The following ASNSD1 variants were observed in gnomAD, a reference collection of about 807,000 sequenced individuals.
ASNSD1 encodes the protein asparagine synthetase domain containing 1.
In ASNSD1, 36 loss-of-function variants were observed where a neutral mutation model predicts 48.3. The observed-to-expected ratio is 0.75, with a 90% CI of 0.57 to 0.99. The LOEUF (loss-of-function observed/expected upper bound fraction) is 0.99. Ranked by LOEUF, ASNSD1 falls within the 50% of genes least tolerant of loss-of-function variation. The pLI is 0.00. For synonymous variants in ASNSD1, 257 were observed against 262.1 expected (o/e 0.98, Z 0.19); for missense variants, 714 against 758.2 (o/e 0.94, Z 0.69).
In ASNSD1 at chr2:189,666,258, T is replaced by C; in HGVS notation, c.126T>C (p.Asp42=). The C allele has an allele frequency of 6.2e-7, 1 of 1,614,190 alleles. No individual in the cohort carries two copies. The highest frequency in any genetic ancestry group is 8.5e-7 in the Non-Finnish European group (1 of 1,180,014). Residue 42 remains aspartate, a synonymous_variant, in exon 4 of 6, where the codon GAT becomes GAC. Transcript: ENST00000260952. The part of the protein sequence containing the change: ...PNSSKQLLKS[D]VNYQCLFSAH... ...GTAGTAAACAATTGTTAAAGTCTGA[T>C]GTTAACTACCAGTGTTTATTTTCTG... is the stretch of plus-strand genomic sequence containing the variant.
At chr2:189,665,585 T>G in intron 3 of ASNSD1, 134 bp downstream of exon 3, 1 of 21,736 alleles carries the variant, frequency 4.6e-5, no homozygotes, top group Non-Finnish European at 1.0e-4. Flanking sequence ...AGTCAACAGT[T>G]ATATATATAT....
chr2:189,662,939 A>G (rs903091236), intron 1 of ASNSD1, among the ~76,000 whole-genome samples: 24 of 100,800 alleles, frequency 2.4e-4, no homozygotes, highest in Non-Finnish European at 4.0e-4. Context: ...ACAGAGCAAG[A>G]CCCTGTTTCA....
At chr2:189,662,535 G>C (rs995623422) in intron 1 of ASNSD1, among the ~76,000 whole-genome samples, 2 of 152,154 alleles carry the variant, frequency 1.3e-5, no homozygotes, top group Admixed American at 6.5e-5. Context: ...GCCAACGGGG[G>C]AGACAGAAAG....
rs1448831678 is a variant in ASNSD1 at position 189,670,791 on chromosome 2, T to C, written c.*65T>C. 3.4e-6 allele frequency: 4 copies of C among 1,167,432 alleles called. No individual in the cohort carries two copies. The Admixed American group carries it at 1.0e-4, about 31-fold the overall frequency. 72.3% of individuals were successfully genotyped at this position (1,167,432 alleles called of 1,614,324 possible). A position where few individuals can be genotyped will look rare whatever the true frequency, so the allele number is the denominator to read the frequency against. Reference sequence around the variant, plus strand: ...ATAATTATATAAAAGTAAGATACTCTGCTGCTTTACTATTGTATAACATAG... The same window carrying C: ...ATAATTATATAAAAGTAAGATACTCCGCTGCTTTACTATTGTATAACATAG... On this transcript the variant is annotated 3_prime_UTR_variant, in exon 6 of 6. Transcript: ENST00000260952.
chr2:189,670,461 A>G lies in ASNSD1; in HGVS notation c.1667A>G (p.Asn556Ser). Residue 556 changes from asparagine (N) to serine (S), a missense_variant, in exon 6 of 6, where the codon AAT becomes AGT. Physicochemically the swap from Asn to Ser is conservative, Grantham distance 46 (BLOSUM62 1). Coordinates refer to ENST00000260952, the MANE Select transcript of ASNSD1 (RefSeq NM_019048.4). ...TTTAGATTTCCTTTCCTGGATGAAA[A>G]TGTTGTCTCCTTTCTAAATTCTCTG... ...KEARFPFLDE[N>S]VVSFLNSLPI... 2 of 1,610,080 alleles carry G rather than the reference A, an allele frequency of 1.2e-6. No homozygotes were observed. The highest frequency in any genetic ancestry group is 1.3e-5 in the African/African-American group (1 of 74,848).
intron 1 of ASNSD1, among the ~76,000 whole-genome samples, chr2:189,662,376 CTT>C (rs544864062): frequency 1.1e-4 from 16 of 152,198 alleles, no homozygotes; most frequent in Non-Finnish European, 1.5e-4. Context: ...GGGCAAGTCT[CTT>C]TAATCTTTCT....
rs1353507427 is a variant in ASNSD1 at position 189,666,808 on chromosome 2, G to T, written c.676G>T (p.Val226Leu). The change falls in exon 4 of 6, where the codon GTA becomes TTA. Residue 226 changes from valine (V) to leucine (L), a missense_variant. Val to Leu is a conservative substitution (Grantham distance 32). Coordinates refer to ENST00000260952, the MANE Select transcript of ASNSD1 (RefSeq NM_019048.4). ...SQISADLPAFVSVVANEAKLY... is the reference protein window; with the variant it reads ...SQISADLPAFLSVVANEAKLY... The stretch of plus-strand genomic sequence containing the variant: ...AATTTCAGCAGACTTACCAGCATTT[G>T]TATCAGTGGTAGCAAATGAAGCCAA... 3 of 1,613,956 alleles carry T rather than the reference G, an allele frequency of 1.9e-6. No individual in the cohort carries two copies. The South Asian group carries it at 3.3e-5, about 18-fold the overall frequency.
At chr2:189,662,373 T>C (rs2032687866) in intron 1 of ASNSD1, among the ~76,000 whole-genome samples, 1 of 152,212 alleles carries the variant, frequency 6.6e-6, no homozygotes, top group Non-Finnish European at 1.5e-5. Flanking sequence ...CTTGGGCAAG[T>C]CTCTTTAATC....
rs780246917 is a variant in ASNSD1 at position 189,667,845 on chromosome 2, G to T, written c.1546G>T (p.Glu516Ter). The T allele has an allele frequency of 6.2e-7, 1 of 1,614,146 alleles. No homozygotes were observed. Among genetic ancestry groups the T allele is most frequent in the Non-Finnish European group, 8.5e-7 (1 of 1,180,014 alleles). Residue 516 changes from glutamate to a stop codon, truncating the protein, a stop_gained, in exon 5 of 6, where the codon GAA becomes TAA. Coordinates refer to ENST00000260952, the MANE Select transcript of ASNSD1 (RefSeq NM_019048.4). LOFTEE classifies it high-confidence loss of function. ...TGTCCGCTTTCAGTCGCATGGGCTG[G>T]AAGGATTGAATAAGGAAATAATGAT... ...HRVRFQSHGL[E>*]GLNKEIMMEL...
chr2:189,665,235 T>C (rs1057277292), intron 2 of ASNSD1, 141 bp from the exon 3 acceptor site: 15 of 369,390 alleles, frequency 4.1e-5, no homozygotes, highest in Non-Finnish European at 5.3e-5. Context: ...TGGGTGACTT[T>C]TATTTGTCTT....
chr2:189,666,368 T>G lies in ASNSD1; in HGVS notation c.236T>G (p.Ile79Ser), dbSNP rs1409044646. ...RGNVFLWNGE[I>S]FSGIKVEAEE... is the part of the protein sequence containing the mutation. ...AATGTGTTTCTATGGAATGGAGAAA[T>G]TTTTAGTGGAATAAAGGTTGAAGCT... The change falls in exon 4 of 6, where the codon ATT (isoleucine) becomes AGT (serine). Residue 79 changes from isoleucine to serine, a missense_variant. Physicochemically the swap from Ile to Ser is moderately radical, Grantham distance 142 (BLOSUM62 -2). Coordinates refer to ENST00000260952, the MANE Select transcript of ASNSD1 (RefSeq NM_019048.4). The G allele has an allele frequency of 1.2e-6, 2 of 1,613,768 alleles. No homozygotes were observed. The highest frequency in any genetic ancestry group is 1.1e-5 in the South Asian group (1 of 91,014).
rs748093665 is a variant in ASNSD1 at position 189,666,245 on chromosome 2, T to C, written c.113T>C (p.Leu38Ser). 46 of 1,614,036 alleles carry C rather than the reference T, an allele frequency of 2.9e-5. No homozygotes were observed. The highest frequency in any genetic ancestry group is 3.8e-5 in the Non-Finnish European group (45 of 1,180,008). Residue 38 changes from leucine (L) to serine (S), a missense_variant, in exon 4 of 6, where the codon TTG (leucine) becomes TCG (serine). Physicochemically the swap from Leu to Ser is moderately radical, Grantham distance 145. Coordinates refer to ENST00000260952, the MANE Select transcript of ASNSD1 (RefSeq NM_019048.4). ...CGGGGACCCAATAGTAGTAAACAAT[T>C]GTTAAAGTCTGATGTTAACTACCAG... ...KQRGPNSSKQ[L>S]LKSDVNYQCL...
chr2:189,663,586 A>G (rs2032722496), intron 1 of ASNSD1, among the ~76,000 whole-genome samples: 1 of 152,232 alleles, frequency 6.6e-6, no homozygotes, highest in South Asian at 2.1e-4. Context: ...CAAAAGGTAT[A>G]AACCTTGTTT....
rs778937278 is a variant in ASNSD1 at position 189,666,979 on chromosome 2, A to T, written c.847A>T (p.Ile283Phe). 21 of 1,614,204 alleles carry T rather than the reference A, an allele frequency of 1.3e-5. No individual in the cohort carries two copies. Among genetic ancestry groups the T allele is most frequent in the Non-Finnish European group, 1.6e-5 (19 of 1,180,032 alleles). Residue 283 changes from isoleucine (I) to phenylalanine (F), a missense_variant, in exon 4 of 6, where the codon ATT becomes TTT. By Grantham distance (21) the Ile-to-Phe change is conservative. Transcript: ENST00000260952. ...TACTGATGTACACATGAAGGAAGTA[A>T]TTCAGCAGTTCATTGATGTCCTGAG... The part of the protein sequence containing the change: ...FLTDVHMKEV[I>F]QQFIDVLSVA...
chr2:189,668,680 A>G (rs1339063506), intron 5 of ASNSD1, among the ~76,000 whole-genome samples: 1 of 152,232 alleles, frequency 6.6e-6, no homozygotes, highest in African/African-American at 2.4e-5. Flanking sequence ...TTCTGTATGT[A>G]CAGATCCATG....
intron 1 of ASNSD1, among the ~76,000 whole-genome samples, chr2:189,662,516 T>C (rs2032691014): frequency 6.6e-6 from 1 of 152,210 alleles, no homozygotes; most frequent in South Asian, 2.1e-4. Flanking sequence ...ACCTCATTAC[T>C]ACAGCTCTGC....
chr2:189,669,640 C>T (rs964037753), intron 5 of ASNSD1, among the ~76,000 whole-genome samples: 5 of 152,162 alleles, frequency 3.3e-5, no homozygotes, highest in East Asian at 1.9e-4. Context: ...TGTAATAAAA[C>T]GGAAACACTA....
At chr2:189,664,078 A>G (rs2032733115) in intron 2 of ASNSD1, 124 bp downstream of exon 2, 1 of 329,850 alleles carries the variant, frequency 3.0e-6, no homozygotes, top group South Asian at 1.6e-4. Context: ...GTATTTCAGC[A>G]TCTTTTAAAA....
chr2:189,666,537 G>A lies in ASNSD1; in HGVS notation c.405G>A (p.Arg135=). The A allele has an allele frequency of 1.2e-6, 2 of 1,613,786 alleles. No homozygotes were observed. The highest frequency in any genetic ancestry group is 1.7e-6 in the Non-Finnish European group (2 of 1,179,968). The change falls in exon 4 of 6, where the codon AGG becomes AGA. Residue 135 remains arginine, a synonymous_variant. Transcript: ENST00000260952. The stretch of plus-strand genomic sequence containing the variant: ...CTAGTCATTATTTATGGTTTGGTAG[G>A]GATTTTTTTGGTCGCCGTAGCTTGC... The part of the protein sequence containing the change: ...QASSHYLWFG[R]DFFGRRSLLW...
Sources: allele counts gnomAD v4.1 joint callset (sites outside exome capture counted in the v4.1 genomes callset), GRCh38; gene constraint gnomAD v4.1.1; transcripts MANE v1.5; gene names NCBI Gene and HGNC (gene_info 2026-07-23, HGNC 2026-07-21).